SHC3: variants seen among roughly 807,000 people sequenced by gnomAD.
SHC3 encodes SHC-transforming protein 3.
SHC3 carries 15 observed loss-of-function variants against 60.4 expected under a neutral mutation model. The ratio of observed to expected loss-of-function variants is 0.25; its 90% CI spans 0.17 to 0.38. The LOEUF (loss-of-function observed/expected upper bound fraction) is 0.38, where lower values mean the gene tolerates loss of function less well. SHC3 is among the 10% of genes least tolerant of loss of function. The probability of loss-of-function intolerance (pLI) is 1.00; values close to 1 mark genes in which losing one functional copy is unlikely to be tolerated. For synonymous variants in SHC3, 294 were observed against 325.9 expected, an observed-to-expected ratio of 0.90 and a Z score of 1.05; for missense variants, 677 against 786.1, an observed-to-expected ratio of 0.86 and a Z score of 1.66.
chr9:89,134,357 A>C (rs998826659), intron 1 of SHC3, among the ~76,000 whole-genome samples: 1 of 152,152 alleles, frequency 6.6e-6, no homozygotes, highest in Non-Finnish European at 1.5e-5. Flanking sequence ...TTGTGTGAAC[A>C]TATTATCTAG....
chr9:89,099,139 G>C (rs980677845), intron 2 of SHC3, among the ~76,000 whole-genome samples: 5 of 151,042 alleles, frequency 3.3e-5, no homozygotes, highest in African/African-American at 1.2e-4. Flanking sequence ...AGTAGCAAGT[G>C]ATTGTAAAAT....
intron 3 of SHC3, 115 bp downstream of exon 3, chr9:89,077,725 A>C: frequency 7.8e-7 from 1 of 1,276,532 alleles, no homozygotes; most frequent in Non-Finnish European, 1.1e-6. Context: ...AGAAGTAGCA[A>C]GCGCCGGGCC....
chr9:89,091,714 C>T (rs1825623968), intron 2 of SHC3, among the ~76,000 whole-genome samples: 1 of 152,184 alleles, frequency 6.6e-6, no homozygotes, highest in Non-Finnish European at 1.5e-5. Context: ...ACTTTTTCAT[C>T]TTCCCCAACT....
At chr9:89,138,384 G>A (rs1204151788) in intron 1 of SHC3, among the ~76,000 whole-genome samples, 4 of 149,584 alleles carry the variant, frequency 2.7e-5, no homozygotes, top group Non-Finnish European at 6.0e-5. Context: ...GTTTATTCAT[G>A]CCTCCCCTTT....
chr9:89,062,051 C>T (rs1278200719), intron 6 of SHC3, among the ~76,000 whole-genome samples: 1 of 152,152 alleles, frequency 6.6e-6, no homozygotes, highest in Non-Finnish European at 1.5e-5. Flanking sequence ...GATACTATTA[C>T]AATTATAAAG....
intron 1 of SHC3, among the ~76,000 whole-genome samples, chr9:89,145,565 G>A (rs369330703): frequency 8.5e-5 from 13 of 152,210 alleles, no homozygotes; most frequent in African/African-American, 2.9e-4. Context: ...AGATAGATTC[G>A]GCTGTTCCGG....
chr9:89,029,599 G>A (rs1377496932), intron 11 of SHC3, among the ~76,000 whole-genome samples: 1 of 152,132 alleles, frequency 6.6e-6, no homozygotes, highest in African/African-American at 2.4e-5. Flanking sequence ...ACAAGTCCAA[G>A]AGTCCAATGA....
intron 6 of SHC3, among the ~76,000 whole-genome samples, chr9:89,063,579 T>A (rs887528040): frequency 5.3e-5 from 8 of 152,164 alleles, no homozygotes; most frequent in African/African-American, 1.9e-4. Flanking sequence ...TTGGAGAGTC[T>A]CTGAGACTCC....
At chr9:89,177,905 C>A in intron 1 of SHC3, 82 bp downstream of exon 1, 1 of 1,142,166 alleles carries the variant, frequency 8.8e-7, no homozygotes. Flanking sequence ...GCCCCGCACC[C>A]CGGGCTTCAG....
At chr9:89,036,249 A>G (rs1824576392) in intron 11 of SHC3, among the ~76,000 whole-genome samples, 1 of 152,204 alleles carries the variant, frequency 6.6e-6, no homozygotes, top group Non-Finnish European at 1.5e-5. Flanking sequence ...TAAGAACATA[A>G]AATTTACAGG....
chr9:89,030,612 G>C (rs1824471197), intron 11 of SHC3, among the ~76,000 whole-genome samples: 1 of 152,162 alleles, frequency 6.6e-6, no homozygotes, highest in South Asian at 2.1e-4. Context: ...CCATAAGGAA[G>C]ATACAACAGT....
At chr9:89,080,188 G>A (rs1825421814) in intron 2 of SHC3, among the ~76,000 whole-genome samples, 2 of 152,078 alleles carry the variant, frequency 1.3e-5, no homozygotes, top group South Asian at 4.1e-4. Context: ...TCATTATTTA[G>A]CTTTATGTAG....
At chr9:89,070,126 A>G (rs1388627374) in intron 5 of SHC3, among the ~76,000 whole-genome samples, 1 of 152,218 alleles carries the variant, frequency 6.6e-6, no homozygotes, top group Non-Finnish European at 1.5e-5. Flanking sequence ...CCTCTAGGAC[A>G]TTATTTTATA....
intron 11 of SHC3, among the ~76,000 whole-genome samples, chr9:89,019,787 T>C (rs1018682193): frequency 3.3e-5 from 5 of 152,226 alleles, no homozygotes; most frequent in Non-Finnish European, 5.9e-5. Flanking sequence ...TTCATATTTA[T>C]GGATAGGAAT....
intron 11 of SHC3, chr9:89,037,526 T>C: frequency 2.8e-6 from 2 of 717,244 alleles, no homozygotes; most frequent in Non-Finnish European, 5.2e-6. Flanking sequence ...GAGTTACTTC[T>C]CTAAACGGGA....
At chr9:89,137,841 G>A (rs1393096387) in intron 1 of SHC3, among the ~76,000 whole-genome samples, 1 of 152,136 alleles carries the variant, frequency 6.6e-6, no homozygotes, top group East Asian at 1.9e-4. Flanking sequence ...AGGAGCAAGA[G>A]GAAAATAAAT....
At chr9:89,065,639 A>T (rs1587707068) in intron 5 of SHC3, 59 bp from the exon 6 acceptor site, 1 of 1,538,862 alleles carries the variant, frequency 6.5e-7, no homozygotes, top group South Asian at 1.1e-5. Context: ...CCACACAGTC[A>T]GGGACACAGG....
chr9:89,084,712 C>T (rs534031670), intron 2 of SHC3, among the ~76,000 whole-genome samples: 3 of 152,244 alleles, frequency 2.0e-5, no homozygotes, highest in African/African-American at 4.8e-5. Flanking sequence ...TTCCTGATGC[C>T]GATATGCCAA....
intron 11 of SHC3, among the ~76,000 whole-genome samples, chr9:89,025,288 G>A (rs1221388627): frequency 2.6e-5 from 4 of 152,064 alleles, no homozygotes; most frequent in Non-Finnish European, 5.9e-5. Flanking sequence ...GATCCACTGA[G>A]AGACCCCACC....
Sources: gnomAD v4.1 joint callset for allele counts (sites outside exome capture counted in the v4.1 genomes callset) on GRCh38, gnomAD v4.1.1 for gene constraint, MANE v1.5 for transcripts, NCBI Gene and HGNC (gene_info 2026-07-23, HGNC 2026-07-21) for gene names.